Variants in NALF1 observed in about 807,000 individuals in gnomAD.
NALF1 encodes the protein NALCN channel auxiliary factor 1.
NALF1 carries 3 observed loss-of-function variants against 48.4 expected under a neutral mutation model. The ratio of observed to expected loss-of-function variants is 0.06; its 90% CI spans 0.03 to 0.16. The LOEUF (loss-of-function observed/expected upper bound fraction) is 0.16, where lower values mean the gene tolerates loss of function less well. Among genes scored for constraint, NALF1 ranks in the 10% least tolerant of loss-of-function variants. The pLI, the probability that NALF1 is intolerant of heterozygous loss-of-function variation, is 1.00. For missense variants in NALF1, 526 were observed against 571.5 expected (o/e 0.92, Z 0.81); for synonymous variants, 262 against 245.7 (o/e 1.07, Z -0.62).
At position 107,866,226 on chromosome 13, in the gene NALF1, G is replaced by C; in HGVS notation, c.371C>G (p.Ser124Cys). Residue 124 changes from serine (S) to cysteine (C), a missense_variant, in exon 1 of 3, where the codon TCC (serine) becomes TGC (cysteine). Physicochemically the swap from Ser to Cys is moderately radical, Grantham distance 112. This residue lies in a region of NALF1 where 373 missense variants were observed against 355.5 expected (regional missense o/e 1.05). Coordinates refer to ENST00000375915, the MANE Select transcript of NALF1 (RefSeq NM_001080396.3). The surrounding 1 kb of genome is among the most constrained non-coding windows in gnomAD (Gnocchi z 4.4). ...SPAAQAHRLL[S>C]ASSSPTLPPS... ...GGGCAGGGTGGGGGACGAGGAGGCG[G>C]AGAGGAGTCTGTGTGCCTGGGCGGC... 1 of 1,595,888 alleles carries C rather than the reference G, an allele frequency of 6.3e-7. No individual in the cohort carries two copies. Among genetic ancestry groups the C allele is most frequent in the Non-Finnish European group, 8.5e-7 (1 of 1,172,302 alleles).
chr13:107,524,572 G>A (rs1237666923), intron 1 of NALF1, among the ~76,000 whole-genome samples: 1 of 151,940 alleles, frequency 6.6e-6, no homozygotes, highest in East Asian at 1.9e-4. Context: ...CAAGGTAGAT[G>A]GGATGATTTT....
intron 1 of NALF1, among the ~76,000 whole-genome samples, chr13:107,284,743 G>C (rs1269287710): frequency 6.6e-6 from 1 of 152,120 alleles, no homozygotes; most frequent in Admixed American, 6.5e-5. Context: ...CTGCTCCAAC[G>C]TGCACACAGA....
intron 1 of NALF1, among the ~76,000 whole-genome samples, chr13:107,289,424 A>AAT (rs1306301351): frequency 1.3e-5 from 2 of 152,244 alleles, no homozygotes; most frequent in Admixed American, 1.3e-4. Context: ...TGAAAGAGTT[A>AAT]ATAAATGACT....
chr13:107,342,876 T>C (rs575225044), intron 1 of NALF1, among the ~76,000 whole-genome samples: 27 of 152,236 alleles, frequency 1.8e-4, no homozygotes, highest in Non-Finnish European at 3.1e-4. Context: ...CCCAAATGTA[T>C]GACGCATACG....
intron 1 of NALF1, among the ~76,000 whole-genome samples, chr13:107,284,798 G>A (rs1462553406): frequency 6.6e-6 from 1 of 152,164 alleles, no homozygotes; most frequent in Non-Finnish European, 1.5e-5. Context: ...CTGCCTACGT[G>A]CCAGAAGGGG....
chr13:107,322,205 T>A (rs1313255246), intron 1 of NALF1, among the ~76,000 whole-genome samples: 2 of 152,166 alleles, frequency 1.3e-5, no homozygotes, highest in Admixed American at 6.6e-5. Flanking sequence ...ATTTTTCCTC[T>A]TCAACAACAT....
intron 1 of NALF1, among the ~76,000 whole-genome samples, chr13:107,283,840 A>G (rs1234318070): frequency 6.6e-6 from 1 of 151,766 alleles, no homozygotes; most frequent in African/African-American, 2.4e-5. Flanking sequence ...TTGTATTTTT[A>G]GTAGAGACGG....
intron 1 of NALF1, among the ~76,000 whole-genome samples, chr13:107,279,608 C>T (rs1017917599): frequency 6.6e-6 from 1 of 152,108 alleles, no homozygotes; most frequent in Non-Finnish European, 1.5e-5. Flanking sequence ...TTGATCCTTC[C>T]TCTCTTCATA....
chr13:107,286,586 C>CAA (rs1159508752), intron 1 of NALF1, among the ~76,000 whole-genome samples: 7,741 of 101,862 alleles, frequency 0.076, 312 homozygotes, highest in Admixed American at 0.12. Flanking sequence ...GACCCTGTCT[C>CAA]AAAAAAAAAA....
At chr13:107,645,101 T>A (rs1349206899) in intron 1 of NALF1, among the ~76,000 whole-genome samples, 1 of 152,152 alleles carries the variant, frequency 6.6e-6, no homozygotes, top group Non-Finnish European at 1.5e-5. Flanking sequence ...CTGCTATAAA[T>A]ACATGTGAGC....
chr13:107,347,143 G>A (rs901369971), intron 1 of NALF1, among the ~76,000 whole-genome samples: 3 of 152,114 alleles, frequency 2.0e-5, no homozygotes, highest in Non-Finnish European at 2.9e-5. Flanking sequence ...ACCCACAAGC[G>A]CCATAATGAG....
chr13:107,292,248 A>G (rs781071614), intron 1 of NALF1, among the ~76,000 whole-genome samples: 2 of 152,212 alleles, frequency 1.3e-5, no homozygotes, highest in African/African-American at 4.8e-5. Context: ...TAGAAAAAAA[A>G]CTGATACACC....
chr13:107,536,916 T>A (rs1876838946), intron 1 of NALF1, among the ~76,000 whole-genome samples: 1 of 152,168 alleles, frequency 6.6e-6, no homozygotes, highest in Admixed American at 6.5e-5. Flanking sequence ...AAGGATGAGT[T>A]CATGTCCTTT....
intron 1 of NALF1, among the ~76,000 whole-genome samples, chr13:107,541,763 A>G (rs1440017348): frequency 6.6e-6 from 1 of 152,140 alleles, no homozygotes; most frequent in Non-Finnish European, 1.5e-5. Context: ...AGGATAAAGA[A>G]GAGCAGCAGA....
Position 107,549,655 on chromosome 13 carries a change from A to G in NALF1, c.915+316027T>C, listed in dbSNP as rs192863777. Among the ~76,000 whole-genome samples the G allele has an allele frequency of 1.5e-4, 23 of 152,290 alleles. No individual in the cohort carries two copies. In the East Asian group the frequency reaches 4.2e-3, roughly 28 times the overall value. ...ACATATTTTTTGTATACTAATTGAGAGCAAGTTCCAGATATAATGCCTGTT... is the reference window on the plus strand; with the variant it reads ...ACATATTTTTTGTATACTAATTGAGGGCAAGTTCCAGATATAATGCCTGTT... On this transcript the variant is annotated intron_variant, in intron 1 of 2. Transcript: ENST00000375915.
chr13:107,332,023 G>A (rs1882478483), intron 1 of NALF1, among the ~76,000 whole-genome samples: 1 of 152,204 alleles, frequency 6.6e-6, no homozygotes, highest in South Asian at 2.1e-4. Context: ...AGAAATAATT[G>A]CCAGTAAATT....
At chr13:107,179,580 G>A (rs1161926884) in intron 2 of NALF1, among the ~76,000 whole-genome samples, 1 of 149,666 alleles carries the variant, frequency 6.7e-6, no homozygotes, top group African/African-American at 2.5e-5. Context: ...TTACCCTGAT[G>A]TGTTTATTAC....
chr13:107,330,935 C>G (rs1383657876), intron 1 of NALF1, among the ~76,000 whole-genome samples: 4 of 152,126 alleles, frequency 2.6e-5, no homozygotes, highest in Admixed American at 6.6e-5. Flanking sequence ...TATCTTTTCT[C>G]TACTTATGAA....
intron 1 of NALF1, among the ~76,000 whole-genome samples, chr13:107,229,085 ATTG>A (rs935598516): frequency 1.3e-5 from 2 of 152,244 alleles, no homozygotes; most frequent in African/African-American, 4.8e-5. Flanking sequence ...ATTTACTAAT[ATTG>A]TTGTGCTTAT....
Sources: allele counts gnomAD v4.1 joint callset (sites outside exome capture counted in the v4.1 genomes callset), GRCh38; gene constraint gnomAD v4.1.1; regional missense constraint gnomAD v4.1.1; non-coding constraint Gnocchi (gnomAD v3.1); transcripts MANE v1.5; gene names NCBI Gene and HGNC (gene_info 2026-07-23, HGNC 2026-07-21).